The following ATP1B3 variants were observed in gnomAD, a reference collection of about 807,000 sequenced individuals.
ATP1B3 encodes the protein sodium/potassium-transporting ATPase subunit beta-3.
Under a neutral mutation model 30.2 loss-of-function variants are expected in ATP1B3, and 10 were observed. That is an observed-to-expected ratio of 0.33 (90% CI 0.20 to 0.56). The LOEUF (loss-of-function observed/expected upper bound fraction) is 0.56. Among genes scored for constraint, ATP1B3 ranks in the 20% least tolerant of loss-of-function variants. ATP1B3 has a pLI of 0.90. For synonymous variants in ATP1B3, 113 were observed against 117.0 expected (o/e 0.97, Z 0.22); for missense variants, 238 against 336.7 (o/e 0.71, Z 2.29).
At chr3:141,924,503 G>T (rs906729400) in intron 6 of ATP1B3, among the ~76,000 whole-genome samples, 3 of 152,090 alleles carry the variant, frequency 2.0e-5, no homozygotes, top group Admixed American at 2.0e-4. Context: ...AAAAAAATTA[G>T]CTGGGTATGG....
intron 1 of ATP1B3, among the ~76,000 whole-genome samples, chr3:141,896,638 T>TA: frequency 6.6e-6 from 1 of 152,348 alleles, no homozygotes; most frequent in East Asian, 1.9e-4. Context: ...TGGTTTGCTT[T>TA]TTCATTTTCA....
intron 1 of ATP1B3, among the ~76,000 whole-genome samples, chr3:141,881,210 A>G (rs573398221): frequency 6.6e-6 from 1 of 152,004 alleles, no homozygotes; most frequent in African/African-American, 2.4e-5. Context: ...CCTCCAAAAA[A>G]AAAAAAAAGA....
intron 2 of ATP1B3, among the ~76,000 whole-genome samples, chr3:141,904,750 C>T: frequency 8.0e-6 from 1 of 125,192 alleles, no homozygotes; most frequent in East Asian, 2.5e-4. Context: ...GCTCCTGTTG[C>T]CTAGGCTGGA....
chr3:141,890,786 T>C (rs1266906216), intron 1 of ATP1B3, among the ~76,000 whole-genome samples: 1 of 152,152 alleles, frequency 6.6e-6, no homozygotes, highest in Admixed American at 6.5e-5. Flanking sequence ...TTGCCCAGGC[T>C]GGTCTCAAAC....
At chr3:141,908,526 A>T (rs145494882) in intron 3 of ATP1B3, among the ~76,000 whole-genome samples, 4 of 152,262 alleles carry the variant, frequency 2.6e-5, no homozygotes, top group Middle Eastern at 3.4e-3. Context: ...CTCAGTCTTC[A>T]TGTCACACCC....
Position 141,925,966 on chromosome 3 carries a change from G to A in ATP1B3, c.*265G>A, listed in dbSNP as rs1050190. On this transcript the variant is annotated 3_prime_UTR_variant, in exon 7 of 7. Coordinates refer to ENST00000286371, the MANE Select transcript of ATP1B3 (RefSeq NM_001679.4). The stretch of plus-strand genomic sequence containing the variant: ...CTGATTCCAAACATGTAGGATGGGG[G>A]TCTTGTCCTCTTTTTATGTGGTTTA... The A allele has an allele frequency of 5.3e-6, 2 of 379,034 alleles. No individual in the cohort carries two copies. Among genetic ancestry groups the A allele is most frequent in the Non-Finnish European group, 9.4e-6 (2 of 212,746 alleles). 23.5% of individuals were successfully genotyped at this position (379,034 alleles called of 1,614,324 possible).
In ATP1B3 at chr3:141,922,004, T is replaced by C. The variant is rs1436595914; in HGVS notation, c.610T>C (p.Tyr204His). 6.4e-7 allele frequency: 1 copy of C among 1,552,156 alleles called. No individual in the cohort carries two copies. The highest frequency in any genetic ancestry group is 1.4e-5 in the African/African-American group (1 of 72,910). ...TGAAGATATACCAAATGTAGCAGTT[T>C]ATCCTCATAATGGAATGATAGACTT... ...KNEDIPNVAVYPHNGMIDLKY... is the reference protein window; with the variant it reads ...KNEDIPNVAVHPHNGMIDLKY... Residue 204 changes from tyrosine to histidine, a missense_variant, in exon 6 of 7, where the codon TAT becomes CAT. Coordinates refer to ENST00000286371, the MANE Select transcript of ATP1B3 (RefSeq NM_001679.4).
At chr3:141,899,667 C>T (rs993270190) in intron 1 of ATP1B3, among the ~76,000 whole-genome samples, 5 of 152,080 alleles carry the variant, frequency 3.3e-5, no homozygotes, top group Non-Finnish European at 7.4e-5. Flanking sequence ...GTCAGGAGTT[C>T]GAGACCAGCC....
At chr3:141,883,253 C>A (rs992098702) in intron 1 of ATP1B3, among the ~76,000 whole-genome samples, 1 of 152,104 alleles carries the variant, frequency 6.6e-6, no homozygotes, top group Non-Finnish European at 1.5e-5. Flanking sequence ...TTTGGGAAGC[C>A]GAAGTGGGCG....
At chr3:141,885,924 C>CACACACA (rs1559864971) in intron 1 of ATP1B3, among the ~76,000 whole-genome samples, 5 of 149,114 alleles carry the variant, frequency 3.4e-5, no homozygotes, top group South Asian at 2.1e-4. Flanking sequence ...CACACACACA[C>CACACACA]CCCTGTAGTG....
At chr3:141,923,675 G>A (rs1371896475) in intron 6 of ATP1B3, among the ~76,000 whole-genome samples, 1 of 152,184 alleles carries the variant, frequency 6.6e-6, no homozygotes, top group Non-Finnish European at 1.5e-5. Context: ...ACTCTTTATA[G>A]TGAAAGACAA....
chr3:141,913,130 T>C (rs1221032784), intron 3 of ATP1B3, among the ~76,000 whole-genome samples: 2 of 152,024 alleles, frequency 1.3e-5, no homozygotes, highest in Non-Finnish European at 2.9e-5. Context: ...GGCTTCTACC[T>C]TCCTTCATTG....
At chr3:141,879,707 AG>A (rs2107925465) in intron 1 of ATP1B3, among the ~76,000 whole-genome samples, 1 of 147,134 alleles carries the variant, frequency 6.8e-6, no homozygotes, top group Admixed American at 6.9e-5. Context: ...TGAACCCAGG[AG>A]GTGGAGGTTG....
intron 4 of ATP1B3, 140 bp downstream of exon 4, chr3:141,913,976 T>G (rs1436056479): frequency 2.6e-5 from 20 of 764,206 alleles, no homozygotes; most frequent in Non-Finnish European, 3.6e-5. Context: ...CTTTAAAGAC[T>G]AGCAGTAATG....
At chr3:141,879,892 T>C (rs1933690246) in intron 1 of ATP1B3, among the ~76,000 whole-genome samples, 1 of 151,362 alleles carries the variant, frequency 6.6e-6, no homozygotes, top group Admixed American at 6.6e-5. Context: ...CTTTTTGACT[T>C]TTTTTAATCA....
At position 141,886,747 on chromosome 3, in the gene ATP1B3, C is replaced by T. The variant is rs184946344; in HGVS notation, c.109+9837C>T. Among the ~76,000 whole-genome samples the T allele has an allele frequency of 1.8e-3, 270 of 152,262 alleles. 1 individual carries two copies. Among genetic ancestry groups the T allele is most frequent in the African/African-American group, 6.3e-3 (260 of 41,544 alleles). ...ATGTGATGGCTCATGCCTTTTAGCC[C>T]AGCACTTTGGGAGGCCAAGATGGGA... On this transcript the variant is annotated intron_variant, in intron 1 of 6. Coordinates refer to ENST00000286371, the MANE Select transcript of ATP1B3 (RefSeq NM_001679.4).
chr3:141,898,451 G>T (rs570583160), intron 1 of ATP1B3, among the ~76,000 whole-genome samples: 1 of 152,200 alleles, frequency 6.6e-6, no homozygotes, highest in South Asian at 2.1e-4. Context: ...GATCTGAATA[G>T]ACAGTTCTCT....
rs755574721 is a variant in ATP1B3 at position 141,925,487 on chromosome 3, G to A, written c.670-44G>A. Reference sequence around the variant, plus strand: ...AATTCCTGGTAGAGAGAAGTATTAAGTTTCCATAGAGTTTGAATTAATATA... The same window carrying A: ...AATTCCTGGTAGAGAGAAGTATTAAATTTCCATAGAGTTTGAATTAATATA... On this transcript the variant is annotated intron_variant, in intron 6 of 6. Coordinates refer to ENST00000286371, the MANE Select transcript of ATP1B3 (RefSeq NM_001679.4). The A allele has an allele frequency of 7.1e-6, 11 of 1,546,474 alleles. No homozygotes were observed. The East Asian group carries it at 1.6e-4, about 22-fold the overall frequency.
intron 1 of ATP1B3, among the ~76,000 whole-genome samples, chr3:141,884,608 T>C (rs925796307): frequency 6.6e-6 from 1 of 152,170 alleles, no homozygotes; most frequent in African/African-American, 2.4e-5. Flanking sequence ...GTGGGCACTG[T>C]CTAATCAGCT....
Sources: gnomAD v4.1 joint callset for allele counts (sites outside exome capture counted in the v4.1 genomes callset) on GRCh38, gnomAD v4.1.1 for gene constraint, MANE v1.5 for transcripts, NCBI Gene and HGNC (gene_info 2026-07-23, HGNC 2026-07-21) for gene names.